MCTP1: variants seen among roughly 807,000 people sequenced by gnomAD.
The protein encoded by MCTP1 is multiple C2 and transmembrane domain containing 1, also known as multiple C2 and transmembrane domain-containing protein 1.
In MCTP1, 69 loss-of-function variants were observed where a neutral mutation model predicts 120.6. The observed-to-expected ratio is 0.57, with a 90% confidence interval of 0.47 to 0.70. MCTP1 has a LOEUF of 0.70. Among genes scored for constraint, MCTP1 ranks in the 30% least tolerant of loss-of-function variants. The pLI, the probability that MCTP1 is intolerant of heterozygous loss-of-function variation, is 0.00. For synonymous variants in MCTP1, 529 were observed against 493.1 expected (o/e 1.07, Z -0.96); for missense variants, 1,203 against 1,248.8 (o/e 0.96, Z 0.55).
intron 1 of MCTP1, among the ~76,000 whole-genome samples, chr5:95,066,936 G>C (rs745792642): frequency 6.6e-6 from 1 of 152,176 alleles, no homozygotes; most frequent in Non-Finnish European, 1.5e-5. Flanking sequence ...TCACAATAGG[G>C]TTCGCACTTC....
chr5:94,980,423 C>G (rs371879039), intron 2 of MCTP1, among the ~76,000 whole-genome samples: 1 of 151,984 alleles, frequency 6.6e-6, no homozygotes, highest in South Asian at 2.1e-4. Flanking sequence ...ATCATATAGA[C>G]GGAATGTAGA....
At chr5:95,240,895 TTC>T (rs141005060) in intron 1 of MCTP1, among the ~76,000 whole-genome samples, 3 of 151,528 alleles carry the variant, frequency 2.0e-5, no homozygotes, top group Non-Finnish European at 4.4e-5. Flanking sequence ...TTTTGTTGTC[TTC>T]TCTCTCTCTC....
intron 2 of MCTP1, among the ~76,000 whole-genome samples, chr5:94,972,232 T>A (rs996382407): frequency 7.2e-5 from 11 of 152,142 alleles, no homozygotes; most frequent in Non-Finnish European, 7.4e-5. Context: ...AGCATCAGTA[T>A]TCAAAGCTTC....
At chr5:95,207,781 A>T (rs1751789411) in intron 1 of MCTP1, among the ~76,000 whole-genome samples, 1 of 152,156 alleles carries the variant, frequency 6.6e-6, no homozygotes, top group South Asian at 2.1e-4. Context: ...AAAGAGAGAG[A>T]AGCTGAAGGA....
At chr5:94,869,248 G>T (rs1797386762) in intron 16 of MCTP1, among the ~76,000 whole-genome samples, 1 of 151,960 alleles carries the variant, frequency 6.6e-6, no homozygotes, top group African/African-American at 2.4e-5. Flanking sequence ...TTATATGTCT[G>T]CAAGTTAACA....
At chr5:95,111,415 G>A (rs1484612859) in intron 1 of MCTP1, among the ~76,000 whole-genome samples, 1 of 152,134 alleles carries the variant, frequency 6.6e-6, no homozygotes, top group Non-Finnish European at 1.5e-5. Context: ...TAAGTACAGA[G>A]TCTCACAAAG....
chr5:94,727,922 T>G (rs1296208547), intron 19 of MCTP1, among the ~76,000 whole-genome samples: 1 of 152,190 alleles, frequency 6.6e-6, no homozygotes, highest in South Asian at 2.1e-4. Flanking sequence ...ATAGCAGATG[T>G]CAGTATAAAT....
At chr5:94,723,912 A>G (rs1026271800) in intron 19 of MCTP1, among the ~76,000 whole-genome samples, 2 of 151,982 alleles carry the variant, frequency 1.3e-5, no homozygotes, top group South Asian at 2.1e-4. Context: ...GAAGGAAGAA[A>G]AGAGAGAGAG....
intron 17 of MCTP1, among the ~76,000 whole-genome samples, chr5:94,807,480 G>T (rs1203242267): frequency 6.6e-6 from 1 of 152,108 alleles, no homozygotes; most frequent in Non-Finnish European, 1.5e-5. Flanking sequence ...TAAAATTTCT[G>T]AATTACAAAC....
At position 95,146,614 on chromosome 5, in the gene MCTP1, A is replaced by T. The variant is rs1354417180; in HGVS notation, c.721-129130T>A. Reference sequence around the variant, plus strand: ...TTCATTAATTTTAAAGATTTTTTTTAAATTTTTGCCTTAATTTTGTTGTTC... The same window carrying T: ...TTCATTAATTTTAAAGATTTTTTTTTAATTTTTGCCTTAATTTTGTTGTTC... On this transcript the variant is annotated intron_variant, in intron 1 of 22. Coordinates refer to ENST00000515393, the MANE Select transcript of MCTP1 (RefSeq NM_024717.7). Among the ~76,000 whole-genome samples, 9 of 152,022 alleles carry T rather than the reference A, an allele frequency of 5.9e-5. No individual in the cohort carries two copies. In the East Asian group the frequency reaches 9.6e-4, roughly 16 times the overall value.
At chr5:94,759,005 T>A (rs1770647599) in intron 19 of MCTP1, among the ~76,000 whole-genome samples, 1 of 152,232 alleles carries the variant, frequency 6.6e-6, no homozygotes, top group African/African-American at 2.4e-5. Context: ...TGCTTGATAC[T>A]TTCAACTTAT....
chr5:95,024,902 A>T (rs1838948078), intron 1 of MCTP1, among the ~76,000 whole-genome samples: 1 of 152,150 alleles, frequency 6.6e-6, no homozygotes, highest in African/African-American at 2.4e-5. Flanking sequence ...TAGAACATTG[A>T]TGGGAGATAT....
intron 7 of MCTP1, among the ~76,000 whole-genome samples, chr5:94,922,625 A>T (rs1391323834): frequency 6.6e-6 from 1 of 152,002 alleles, no homozygotes; most frequent in Non-Finnish European, 1.5e-5. Flanking sequence ...AGTAGCTGGG[A>T]TTACATGCAT....
At chr5:95,082,234 AG>A (rs972047703) in intron 1 of MCTP1, among the ~76,000 whole-genome samples, 33 of 152,240 alleles carry the variant, frequency 2.2e-4, no homozygotes, top group African/African-American at 7.9e-4. Flanking sequence ...TCACCAACTC[AG>A]GGTCCCCTTT....
chr5:95,214,610 C>T (rs1391785280), intron 1 of MCTP1, among the ~76,000 whole-genome samples: 10 of 152,098 alleles, frequency 6.6e-5, no homozygotes, highest in Non-Finnish European at 1.5e-4. Flanking sequence ...GACTTGGAAC[C>T]ACTCCAAATG....
chr5:95,034,583 T>C (rs570188013), intron 1 of MCTP1, among the ~76,000 whole-genome samples: 1 of 152,146 alleles, frequency 6.6e-6, no homozygotes, highest in East Asian at 1.9e-4. Flanking sequence ...TCAAGATGGA[T>C]TAAAGACTTA....
chr5:95,243,469 C>T (rs1345832717), intron 1 of MCTP1, among the ~76,000 whole-genome samples: 1 of 152,224 alleles, frequency 6.6e-6, no homozygotes, highest in Middle Eastern at 3.4e-3. Context: ...AGCATAGAGT[C>T]TGAGGAAGTA....
At chr5:94,847,211 C>T (rs1372763114) in intron 17 of MCTP1, among the ~76,000 whole-genome samples, 1 of 152,160 alleles carries the variant, frequency 6.6e-6, no homozygotes, top group African/African-American at 2.4e-5. Flanking sequence ...ACATCAAAGG[C>T]TGAGAAGCAC....
At chr5:94,896,708 A>G (rs1028761932) in intron 10 of MCTP1, among the ~76,000 whole-genome samples, 2 of 152,206 alleles carry the variant, frequency 1.3e-5, no homozygotes, top group Non-Finnish European at 2.9e-5. Context: ...TTGTGCTAAA[A>G]AAGTTTTGAA....
Sources: gnomAD v4.1 joint callset for allele counts (sites outside exome capture counted in the v4.1 genomes callset) on GRCh38, gnomAD v4.1.1 for gene constraint, MANE v1.5 for transcripts, NCBI Gene and HGNC (gene_info 2026-07-23, HGNC 2026-07-21) for gene names.